Variants in CHRNA7 observed in about 807,000 individuals in gnomAD.
CHRNA7 encodes the protein cholinergic receptor nicotinic alpha 7 subunit.
Under a neutral mutation model 48.0 loss-of-function variants are expected in CHRNA7, and 17 were observed. That is an observed-to-expected ratio of 0.35 (90% CI 0.24 to 0.53). The LOEUF is 0.53. Ranked by LOEUF, CHRNA7 falls within the 20% of genes least tolerant of loss-of-function variation. The probability of loss-of-function intolerance (pLI) is 0.92; values close to 1 mark genes in which losing one functional copy is unlikely to be tolerated. For missense variants in CHRNA7, 155 were observed against 577.7 expected, an observed-to-expected ratio of 0.27 and a Z score of 7.50; for synonymous variants, 75 against 242.3, an observed-to-expected ratio of 0.31 and a Z score of 6.41.
intron 2 of CHRNA7, among the ~76,000 whole-genome samples, chr15:32,050,453 C>T (rs2049647354): frequency 6.6e-6 from 1 of 152,240 alleles, no homozygotes; most frequent in East Asian, 1.9e-4. Context: ...CCTGAGGCTT[C>T]TGCATTCTTC....
chr15:32,044,324 T>C (rs12916635), intron 2 of CHRNA7, among the ~76,000 whole-genome samples: 133,415 of 151,358 alleles, frequency 0.88, 59,467 homozygotes, highest in South Asian at 0.95. Flanking sequence ...GTTGCCCAGG[T>C]TGGAGTGCAA....
rs2051559127 is a variant in CHRNA7, at chr15:32,149,060, G to T, written c.351-4847G>T. Among the ~76,000 whole-genome samples, 1 of 152,234 alleles carries T rather than the reference G, an allele frequency of 6.6e-6. No homozygotes were observed. Among genetic ancestry groups the T allele is most frequent in the Non-Finnish European group, 1.5e-5 (1 of 68,038 alleles). On this transcript the variant is annotated intron_variant, in intron 4 of 9. Coordinates refer to ENST00000306901, the MANE Select transcript of CHRNA7 (RefSeq NM_000746.6). The surrounding 1 kb of genome is among the most constrained non-coding windows in gnomAD (Gnocchi z 4.6). The stretch of plus-strand genomic sequence containing the variant: ...CTCCTCACACCAAGAGTGGGCCCCA[G>T]TCATTGCTGGCTGGGGGAGGACAAA...
intron 2 of CHRNA7, among the ~76,000 whole-genome samples, chr15:32,055,548 C>T (rs1438769167): frequency 6.6e-6 from 1 of 152,190 alleles, no homozygotes. Flanking sequence ...AATGAACCCA[C>T]TCCCAAGGTA....
intron 4 of CHRNA7, among the ~76,000 whole-genome samples, chr15:32,115,750 G>A (rs189815139): frequency 1.3e-5 from 2 of 152,202 alleles, no homozygotes; most frequent in East Asian, 3.9e-4. Flanking sequence ...GGGGCACCTA[G>A]CAGGGCACTT....
At chr15:32,100,596 G>A (rs564154578) in intron 2 of CHRNA7, 10 of 154,662 alleles carry the variant, frequency 6.5e-5, no homozygotes, top group African/African-American at 2.4e-4. Flanking sequence ...ACTCAGGGAG[G>A]TGTTTTGGAA....
chr15:32,083,060 A>G (rs563014780), intron 2 of CHRNA7, among the ~76,000 whole-genome samples: 23 of 152,320 alleles, frequency 1.5e-4, no homozygotes, highest in Non-Finnish European at 3.2e-4. Context: ...CTGACTTTCT[A>G]TAAAATATAA....
rs1308767870 is a variant in CHRNA7 at position 32,107,688 on chromosome 15, TGTC to T, written c.241-4099_241-4097del. ...TGGCCGCAAGGGTGCGCGGAGCTGT[TGTC>T]GTAACTTCTCGCCAGTGGCCACCTT... On this transcript the variant is annotated intron_variant, in intron 3 of 9. Transcript: ENST00000306901. Among the ~76,000 whole-genome samples the T allele has an allele frequency of 2.6e-5, 4 of 152,168 alleles. No individual in the cohort carries two copies. In the South Asian group the frequency reaches 8.3e-4, roughly 31 times the overall value.
chr15:32,101,841 A>G (rs1233768390), intron 3 of CHRNA7: 1 of 152,426 alleles, frequency 6.6e-6, no homozygotes, highest in Non-Finnish European at 1.5e-5. Flanking sequence ...GACATCTGCA[A>G]TACTAATCTA....
chr15:32,086,013 A>T (rs917088476), intron 2 of CHRNA7, among the ~76,000 whole-genome samples: 1 of 152,182 alleles, frequency 6.6e-6, no homozygotes, highest in African/African-American at 2.4e-5. Flanking sequence ...AGTTAATTTT[A>T]AAATTATAAA....
In CHRNA7 at chr15:32,150,799, C is replaced by T. The variant is rs145481476; in HGVS notation, c.351-3108C>T. On this transcript the variant is annotated intron_variant, in intron 4 of 9. Coordinates refer to ENST00000306901, the MANE Select transcript of CHRNA7 (RefSeq NM_000746.6). The stretch of plus-strand genomic sequence containing the variant: ...TGATACTATCCAGAGTGAGCTTGTG[C>T]AGGTCCACATTTTCAGCTATTTTGT... 9.9e-5 allele frequency among the ~76,000 whole-genome samples: 15 copies of T among 152,218 alleles called. No homozygotes were observed. In the East Asian group the frequency reaches 2.9e-3, roughly 29 times the overall value.
chr15:32,088,368 T>C (rs2050331664), intron 2 of CHRNA7, among the ~76,000 whole-genome samples: 1 of 152,240 alleles, frequency 6.6e-6, no homozygotes, highest in Non-Finnish European at 1.5e-5. Context: ...CATCCAGTTT[T>C]TGTGATTATG....
chr15:32,060,920 C>T (rs906015316), intron 2 of CHRNA7, among the ~76,000 whole-genome samples: 14 of 152,126 alleles, frequency 9.2e-5, no homozygotes, highest in Middle Eastern at 3.2e-3. Flanking sequence ...GGACAGAGCA[C>T]GTAGCCACAG....
At chr15:32,049,459 G>T (rs2141184767) in intron 2 of CHRNA7, among the ~76,000 whole-genome samples, 1 of 152,194 alleles carries the variant, frequency 6.6e-6, no homozygotes, top group African/African-American at 2.4e-5. Context: ...TCAGAGACTA[G>T]GATTGCAACC....
chr15:32,041,548 C>T (rs934356144), intron 2 of CHRNA7, among the ~76,000 whole-genome samples: 2 of 152,246 alleles, frequency 1.3e-5, no homozygotes, highest in East Asian at 3.8e-4. Context: ...GGCCCAGTTC[C>T]TAACAGTCCA....
chr15:32,116,446 G>A (rs1191801525), intron 4 of CHRNA7, among the ~76,000 whole-genome samples: 1 of 152,222 alleles, frequency 6.6e-6, no homozygotes, highest in African/African-American at 2.4e-5. Context: ...CTGAGGAGAG[G>A]ATGGGCACGA....
Position 32,149,611 on chromosome 15 carries a change from A to G in CHRNA7, c.351-4296A>G, listed in dbSNP as rs2051578134. Among the ~76,000 whole-genome samples the G allele has an allele frequency of 1.3e-5, 2 of 152,204 alleles. No individual in the cohort carries two copies. Among genetic ancestry groups the G allele is most frequent in the Admixed American group, 1.3e-4 (2 of 15,284 alleles). ...ATGTACTTATAAAATCAATTTGCCTATGGGAAAGAAGCGTAAAACTACCAT... is the reference window on the plus strand; with the variant it reads ...ATGTACTTATAAAATCAATTTGCCTGTGGGAAAGAAGCGTAAAACTACCAT... On this transcript the variant is annotated intron_variant, in intron 4 of 9. Transcript: ENST00000306901. The surrounding 1 kb of genome is among the most constrained non-coding windows in gnomAD (Gnocchi z 4.6).
intron 3 of CHRNA7, chr15:32,102,723 GA>G (rs2050594776): frequency 2.0e-5 from 3 of 152,302 alleles, no homozygotes; most frequent in Admixed American, 1.3e-4. Context: ...TGAATGGAGA[GA>G]ATGATAGTTT....
intron 4 of CHRNA7, among the ~76,000 whole-genome samples, chr15:32,122,816 T>C (rs1290661489): frequency 6.6e-6 from 1 of 150,872 alleles, no homozygotes; most frequent in Non-Finnish European, 1.5e-5. Context: ...AAAAGAGACA[T>C]ATGTCTTGAA....
chr15:32,055,570 C>T (rs1156579601), intron 2 of CHRNA7, among the ~76,000 whole-genome samples: 1 of 152,134 alleles, frequency 6.6e-6, no homozygotes, highest in Non-Finnish European at 1.5e-5. Flanking sequence ...CTGCATTAGT[C>T]CATTCAGGAG....
Sources: gnomAD v4.1 joint callset for allele counts (sites outside exome capture counted in the v4.1 genomes callset) on GRCh38, gnomAD v4.1.1 for gene constraint, Gnocchi (gnomAD v3.1) non-coding constraint, MANE v1.5 for transcripts, NCBI Gene and HGNC (gene_info 2026-07-23, HGNC 2026-07-21) for gene names.